The following SYNPR variants were observed in gnomAD, a reference collection of about 807,000 sequenced individuals.
SYNPR encodes synaptoporin.
A neutral mutation model predicts 32.9 loss-of-function variants in SYNPR; 23 were observed. That is an observed-to-expected ratio of 0.70 (90% CI 0.50 to 0.99). SYNPR has a LOEUF of 0.99. Ranked by LOEUF, SYNPR falls within the 50% of genes least tolerant of loss-of-function variation. The pLI is 0.00. For synonymous variants in SYNPR, 146 were observed against 135.9 expected, an observed-to-expected ratio of 1.07 and a Z score of -0.52; for missense variants, 318 against 349.3, an observed-to-expected ratio of 0.91 and a Z score of 0.71.
intron 2 of SYNPR, chr3:63,452,065 A>C (rs1575651416): frequency 1.0e-5 from 7 of 702,042 alleles, no homozygotes; most frequent in African/African-American, 3.5e-5. Context: ...CTGCCTTCAC[A>C]CTCAAAGAAA....
intron 2 of SYNPR, among the ~76,000 whole-genome samples, chr3:63,366,356 C>T (rs1161764856): frequency 2.0e-5 from 3 of 149,724 alleles, no homozygotes; most frequent in Non-Finnish European, 4.4e-5. Flanking sequence ...TTTATCACTA[C>T]AATAATAAGA....
At chr3:63,297,969 C>A (rs1053719578) in intron 2 of SYNPR, among the ~76,000 whole-genome samples, 2 of 152,110 alleles carry the variant, frequency 1.3e-5, no homozygotes, top group Non-Finnish European at 2.9e-5. Flanking sequence ...AGGAAAGTTA[C>A]AGACCTTGCG....
intron 2 of SYNPR, among the ~76,000 whole-genome samples, chr3:63,424,514 G>C (rs1417923767): frequency 6.6e-6 from 1 of 152,074 alleles, no homozygotes; most frequent in Non-Finnish European, 1.5e-5. Flanking sequence ...TTAGCACATA[G>C]TAAAGGCTCA....
At chr3:63,551,279 T>C (rs1702495592) in intron 3 of SYNPR, among the ~76,000 whole-genome samples, 2 of 152,248 alleles carry the variant, frequency 1.3e-5, no homozygotes, top group African/African-American at 4.8e-5. Flanking sequence ...AATATTCTTT[T>C]GTATGAATAA....
chr3:63,390,968 C>T lies in SYNPR; in HGVS notation c.85-89864C>T, dbSNP rs527885805. Among the ~76,000 whole-genome samples, 21 of 152,310 alleles carry T rather than the reference C, an allele frequency of 1.4e-4. 1 individual carries two copies. In the Middle Eastern group the frequency reaches 0.01, roughly 74 times the overall value. On this transcript the variant is annotated intron_variant, in intron 2 of 5. Transcript: ENST00000478300. Reference sequence around the variant, plus strand: ...TCCGACTATGATCCCAGCTGGATACCCAATGCCAAGAATAGTGCAGGGCCG... The same window carrying T: ...TCCGACTATGATCCCAGCTGGATACTCAATGCCAAGAATAGTGCAGGGCCG...
chr3:63,452,237 T>A (rs557533454), intron 2 of SYNPR: 111 of 549,400 alleles, frequency 2.0e-4, no homozygotes, highest in East Asian at 1.7e-3. Context: ...CGGAGGTAAC[T>A]AAAACAAACA....
intron 2 of SYNPR, among the ~76,000 whole-genome samples, chr3:63,260,937 T>A (rs1481841664): frequency 1.3e-5 from 2 of 151,576 alleles, no homozygotes; most frequent in East Asian, 3.9e-4. Context: ...AAAGAAGACA[T>A]TTATGCAGCC....
upstream of SYNPR, among the ~76,000 whole-genome samples, chr3:63,226,862 G>A (rs967548932): frequency 1.3e-5 from 2 of 152,108 alleles, no homozygotes; most frequent in Admixed American, 1.3e-4. Context: ...ACAGGACTTG[G>A]AATGTTACCA....
At chr3:63,264,881 C>G (rs1483694037) in intron 2 of SYNPR, among the ~76,000 whole-genome samples, 1 of 151,058 alleles carries the variant, frequency 6.6e-6, no homozygotes, top group African/African-American at 2.4e-5. Context: ...CCGAGACTCA[C>G]TATCACGATA....
chr3:63,268,470 C>T (rs1181021948), intron 3 of SYNPR, among the ~76,000 whole-genome samples: 4 of 152,040 alleles, frequency 2.6e-5, no homozygotes, highest in African/African-American at 4.8e-5. Flanking sequence ...GAAGCCTTAC[C>T]GGCAGCATAA....
At chr3:63,249,405 G>T (rs764870503) in intron 1 of SYNPR, among the ~76,000 whole-genome samples, 2 of 152,080 alleles carry the variant, frequency 1.3e-5, no homozygotes, top group Non-Finnish European at 2.9e-5. Flanking sequence ...CTTACCCTTT[G>T]TCCCAGGAAT....
At chr3:63,592,426 C>T (rs184538060) in intron 4 of SYNPR, among the ~76,000 whole-genome samples, 12 of 151,460 alleles carry the variant, frequency 7.9e-5, no homozygotes, top group African/African-American at 1.9e-4. Context: ...GCAAAATGAC[C>T]GAGGAAAAGA....
chr3:63,453,979 T>C (rs937921101), intron 2 of SYNPR, among the ~76,000 whole-genome samples: 2 of 152,172 alleles, frequency 1.3e-5, no homozygotes, highest in Admixed American at 1.3e-4. Flanking sequence ...GAAACCTATT[T>C]AGAATAACTT....
At chr3:63,400,159 A>C (rs17031723) in intron 2 of SYNPR, among the ~76,000 whole-genome samples, 63,764 of 152,126 alleles carry the variant, frequency 0.42, 13,572 homozygotes, top group Middle Eastern at 0.51. Flanking sequence ...CTTACACAGC[A>C]GTAGCTAATG....
chr3:63,479,555 T>A (rs573209103), intron 2 of SYNPR, among the ~76,000 whole-genome samples: 2 of 152,152 alleles, frequency 1.3e-5, no homozygotes, highest in African/African-American at 4.8e-5. Context: ...TAAAGATAAA[T>A]GGCCAATTGA....
At chr3:63,255,038 T>C (rs986832917) in intron 2 of SYNPR, among the ~76,000 whole-genome samples, 4 of 152,166 alleles carry the variant, frequency 2.6e-5, no homozygotes, top group Admixed American at 2.0e-4. Flanking sequence ...AATACATTTC[T>C]GTTCAAGATC....
At chr3:63,290,370 A>G (rs9825785) in intron 2 of SYNPR, among the ~76,000 whole-genome samples, 70,479 of 151,914 alleles carry the variant, frequency 0.46, 16,529 homozygotes, top group Middle Eastern at 0.52. Flanking sequence ...CAGCAGGGAC[A>G]ATATACATAA....
chr3:63,257,015 G>T lies in SYNPR; in HGVS notation n.154+4429G>T, dbSNP rs144032932. On this transcript the variant is annotated intron_variant and non_coding_transcript_variant, in intron 2 of 4. Coordinates refer to the SYNPR transcript ENST00000478456. ...GAAATGAAGTGAGAAGAAAACTTTAGAGAAAAAAGAATAAAAAGAAATGAA... is the reference window on the plus strand; with the variant it reads ...GAAATGAAGTGAGAAGAAAACTTTATAGAAAAAAGAATAAAAAGAAATGAA... Among the ~76,000 whole-genome samples, 306 of 152,220 alleles carry T rather than the reference G, an allele frequency of 2.0e-3. 8 individuals carry two copies. In the East Asian group the frequency reaches 0.052, roughly 26 times the overall value.
intron 2 of SYNPR, among the ~76,000 whole-genome samples, chr3:63,280,929 T>C (rs796967346): frequency 3.2e-4 from 49 of 152,348 alleles, no homozygotes; most frequent in African/African-American, 1.2e-3. Flanking sequence ...ACATGAATAA[T>C]GGACAAAGCA....
Sources: gnomAD v4.1 joint callset for allele counts (sites outside exome capture counted in the v4.1 genomes callset) on GRCh38, gnomAD v4.1.1 for gene constraint, MANE v1.5 for transcripts, NCBI Gene and HGNC (gene_info 2026-07-23, HGNC 2026-07-21) for gene names.